The following LIN28B variants were observed in gnomAD, a reference collection of about 807,000 sequenced individuals.
LIN28B encodes the protein lin-28 RNA binding posttranscriptional regulator B, also known as protein lin-28 homolog B.
LIN28B carries 5 observed loss-of-function variants against 21.9 expected under a neutral mutation model. The ratio of observed to expected loss-of-function variants is 0.23; its 90% confidence interval spans 0.12 to 0.48. LIN28B has a LOEUF of 0.48. LIN28B is among the 20% of genes least tolerant of loss of function. The pLI is 0.98. For synonymous variants in LIN28B, 109 were observed against 111.3 expected, an observed-to-expected ratio of 0.98 and a Z score of 0.13; for missense variants, 245 against 310.5, an observed-to-expected ratio of 0.79 and a Z score of 1.58.
intron 3 of LIN28B, among the ~76,000 whole-genome samples, chr6:104,950,989 A>C (rs1227888070): frequency 2.6e-5 from 4 of 152,064 alleles, no homozygotes; most frequent in Non-Finnish European, 5.9e-5. Flanking sequence ...TTTTGAGGAA[A>C]TTTTTCTTAT....
chr6:104,967,747 A>G (rs149236697), intron 2 of LIN28B, among the ~76,000 whole-genome samples: 86 of 152,070 alleles, frequency 5.7e-4, no homozygotes, highest in African/African-American at 2.0e-3. Context: ...TGGTGGGATT[A>G]TAGCTCACTG....
chr6:105,023,592 A>ATATATT (rs1771214363), intron 2 of LIN28B, among the ~76,000 whole-genome samples: 2 of 1,680 alleles, frequency 1.2e-3, no homozygotes, highest in African/African-American at 2.0e-3. Flanking sequence ...TATTATATAT[A>ATATATT]TTATATATAT....
intron 3 of LIN28B, among the ~76,000 whole-genome samples, chr6:105,063,801 C>T (rs553047420): frequency 2.0e-5 from 3 of 150,582 alleles, no homozygotes; most frequent in African/African-American, 7.3e-5. Flanking sequence ...ATGAATAACC[C>T]CTGCAGTCCA....
intron 3 of LIN28B, among the ~76,000 whole-genome samples, chr6:105,045,331 G>A (rs1582915715): frequency 7.5e-6 from 1 of 133,820 alleles, no homozygotes; most frequent in African/African-American, 3.0e-5. Flanking sequence ...TTGTCACCCA[G>A]ACTGGAGTGC....
At chr6:104,954,245 C>G (rs1778256921), upstream of LIN28B, among the ~76,000 whole-genome samples, 2 of 152,114 alleles carry the variant, frequency 1.3e-5, no homozygotes, top group Non-Finnish European at 2.9e-5. Context: ...AACCAGAAGA[C>G]TTCAGGAAAG....
intron 2 of LIN28B, among the ~76,000 whole-genome samples, chr6:104,993,957 ATATT>A (rs1430119348): frequency 1.3e-5 from 2 of 152,152 alleles, no homozygotes; most frequent in Non-Finnish European, 2.9e-5. Flanking sequence ...TGAGCAGAAA[ATATT>A]TATCTCTAAA....
chr6:104,941,926 C>A (rs1218676765), intron 2 of LIN28B, among the ~76,000 whole-genome samples: 1 of 152,008 alleles, frequency 6.6e-6, no homozygotes, highest in African/African-American at 2.4e-5. Context: ...ATTTAGTGCC[C>A]TTATTGCGGA....
At chr6:105,072,993 C>T (rs1262942149) in intron 3 of LIN28B, among the ~76,000 whole-genome samples, 2 of 151,984 alleles carry the variant, frequency 1.3e-5, no homozygotes, top group Non-Finnish European at 2.9e-5. Flanking sequence ...AGGTTGGTTC[C>T]AGGATCTGCC....
chr6:105,058,488 AG>A (rs1772065326), intron 3 of LIN28B, among the ~76,000 whole-genome samples: 1 of 152,192 alleles, frequency 6.6e-6, no homozygotes, highest in Non-Finnish European at 1.5e-5. Flanking sequence ...ACAAGATGAA[AG>A]CTTCAGATTG....
intron 2 of LIN28B, among the ~76,000 whole-genome samples, chr6:105,006,688 A>G (rs760819648): frequency 6.6e-6 from 1 of 152,124 alleles, no homozygotes; most frequent in Non-Finnish European, 1.5e-5. Flanking sequence ...CTCTTGCACT[A>G]CATGTTCAGT....
intron 2 of LIN28B, among the ~76,000 whole-genome samples, chr6:104,969,358 A>G (rs1175235691): frequency 6.6e-6 from 1 of 152,170 alleles, no homozygotes; most frequent in African/African-American, 2.4e-5. Flanking sequence ...ATCAAGCCAC[A>G]GAAGCCAGGG....
At chr6:104,975,801 C>T (rs1318087058) in intron 2 of LIN28B, among the ~76,000 whole-genome samples, 2 of 151,406 alleles carry the variant, frequency 1.3e-5, no homozygotes, top group South Asian at 2.1e-4. Flanking sequence ...ACTACAGGTG[C>T]GTGCCACCAT....
chr6:105,017,040 T>C (rs1027056879), intron 2 of LIN28B, among the ~76,000 whole-genome samples: 9 of 128,926 alleles, frequency 7.0e-5, no homozygotes, highest in Admixed American at 1.9e-4. Flanking sequence ...GCTGCTGCAC[T>C]CCAGCCTGAG....
intron 2 of LIN28B, among the ~76,000 whole-genome samples, chr6:104,943,657 G>T (rs1045439721): frequency 6.6e-6 from 1 of 152,044 alleles, no homozygotes; most frequent in Admixed American, 6.6e-5. Flanking sequence ...TTTTTTAATA[G>T]AATTTAATTT....
intron 2 of LIN28B, among the ~76,000 whole-genome samples, chr6:104,945,534 A>G (rs919505221): frequency 1.3e-5 from 2 of 152,108 alleles, no homozygotes; most frequent in Non-Finnish European, 2.9e-5. Flanking sequence ...AAGCCACTTT[A>G]AAGTTTTGTC....
chr6:104,991,080 C>A (rs1052501683), intron 2 of LIN28B, among the ~76,000 whole-genome samples: 5 of 152,222 alleles, frequency 3.3e-5, no homozygotes, highest in African/African-American at 4.8e-5. Flanking sequence ...GTTGGGTACA[C>A]CTCCCAGACG....
chr6:105,066,993 T>C (rs1002305585), intron 3 of LIN28B, among the ~76,000 whole-genome samples: 2 of 152,174 alleles, frequency 1.3e-5, no homozygotes, highest in African/African-American at 4.8e-5. Flanking sequence ...CAGGCTGAGC[T>C]GATGCTTATT....
At chr6:105,061,321 A>C (rs1203925275) in intron 3 of LIN28B, among the ~76,000 whole-genome samples, 2 of 152,212 alleles carry the variant, frequency 1.3e-5, no homozygotes, top group Non-Finnish European at 2.9e-5. Context: ...ATATCTAATC[A>C]AAATGGAACA....
intron 2 of LIN28B, among the ~76,000 whole-genome samples, chr6:104,969,561 A>G (rs527798402): frequency 1.3e-5 from 2 of 152,270 alleles, no homozygotes; most frequent in East Asian, 3.9e-4. Flanking sequence ...TCCATGGGTT[A>G]ATTTTGTTAT....
Sources: gnomAD v4.1 joint callset for allele counts (sites outside exome capture counted in the v4.1 genomes callset) on GRCh38, gnomAD v4.1.1 for gene constraint, MANE v1.5 for transcripts, NCBI Gene and HGNC (gene_info 2026-07-23, HGNC 2026-07-21) for gene names.